VWF: variants seen among roughly 807,000 people sequenced by gnomAD.
VWF encodes von Willebrand factor.
Under a neutral mutation model 308.6 loss-of-function variants are expected in VWF, and 176 were observed. The observed-to-expected ratio is 0.57, with a 90% CI of 0.50 to 0.65. VWF has a LOEUF of 0.65. Ranked by LOEUF, VWF falls within the 30% of genes least tolerant of loss-of-function variation. VWF has a pLI of 0.00. For missense variants in VWF, 3,146 were observed against 3,648.2 expected (o/e 0.86, Z 3.55); for synonymous variants, 1,385 against 1,443.4 (o/e 0.96, Z 0.92).
chr12:6,113,426 T>C (rs962806563), intron 3 of VWF, among the ~76,000 whole-genome samples: 2 of 151,308 alleles, frequency 1.3e-5, no homozygotes, highest in African/African-American at 2.4e-5. Context: ...GCCTCCCGAG[T>C]AGCTGGGACT....
intron 34 of VWF, among the ~76,000 whole-genome samples, chr12:6,008,032 G>C (rs1943949194): frequency 6.6e-6 from 1 of 152,146 alleles, no homozygotes; most frequent in Non-Finnish European, 1.5e-5. Context: ...TCATTAGTAA[G>C]GAGATGAAAT....
intron 5 of VWF, among the ~76,000 whole-genome samples, chr12:6,101,521 A>T (rs1196001438): frequency 1.3e-5 from 2 of 152,184 alleles, no homozygotes; most frequent in African/African-American, 4.8e-5. Flanking sequence ...TCACGCCTGT[A>T]ATCTCAGCAT....
intron 6 of VWF, among the ~76,000 whole-genome samples, chr12:6,092,828 C>T (rs1312657335): frequency 1.3e-5 from 2 of 151,964 alleles, no homozygotes; most frequent in Admixed American, 1.3e-4. Context: ...GTCTCCATCC[C>T]AAAATGAATG....
In VWF at chr12:6,060,943, G is replaced by A. The variant is rs1231285735; in HGVS notation, c.1533+2011C>T. On this transcript the variant is annotated intron_variant, in intron 13 of 51. Coordinates refer to ENST00000261405, the MANE Select transcript of VWF (RefSeq NM_000552.5). The surrounding 1 kb of genome is among the most constrained non-coding windows in gnomAD (Gnocchi z 5.1). ...TGGCCGGGCGTGGTGGCTCATGCCC[G>A]TAATCCCAGCACTTTGGGAGGCTGA... 6.6e-6 allele frequency among the ~76,000 whole-genome samples: 1 copy of A among 152,220 alleles called. No homozygotes were observed. Among genetic ancestry groups the A allele is most frequent in the Non-Finnish European group, 1.5e-5 (1 of 68,032 alleles).
intron 14 of VWF, among the ~76,000 whole-genome samples, chr12:6,057,311 A>ATTTTTTTTTTTCTTTTTT (rs1407594065): frequency 7.7e-6 from 1 of 129,428 alleles, no homozygotes; most frequent in African/African-American, 3.1e-5. Flanking sequence ...GGACTATGGA[A>ATTTTTTTTTTTCTTTTTT]TTTTTTTTTT....
At chr12:5,981,051 C>CATAT (rs1048430189) in intron 42 of VWF, among the ~76,000 whole-genome samples, 1 of 152,216 alleles carries the variant, frequency 6.6e-6, no homozygotes, top group African/African-American at 2.4e-5. Flanking sequence ...AGACTATTGT[C>CATAT]ATATATACTA....
In VWF at chr12:6,016,247, C is replaced by G; in HGVS notation, c.5312-15G>C. 6.2e-7 allele frequency: 1 copy of G among 1,614,212 alleles called. No individual in the cohort carries two copies. The highest frequency in any genetic ancestry group is 8.5e-7 in the Non-Finnish European group (1 of 1,180,042). The stretch of plus-strand genomic sequence containing the variant: ...CAAGGCATCCCCTGAGGATGGAGAA[C>G]AGATCACGCCAAGTCAGTACTGACT... On this transcript the variant is annotated splice_polypyrimidine_tract_variant and intron_variant, in intron 30 of 51. Coordinates refer to ENST00000261405, the MANE Select transcript of VWF (RefSeq NM_000552.5).
intron 45 of VWF, among the ~76,000 whole-genome samples, 186 bp downstream of exon 45, chr12:5,969,025 A>G (rs1400218888): frequency 6.6e-6 from 1 of 152,224 alleles, no homozygotes; most frequent in African/African-American, 2.4e-5. Flanking sequence ...AGTGATCTTC[A>G]GGAAATTCCT....
Position 6,011,631 on chromosome 12 carries a change from C to A in VWF, c.5828G>T (p.Arg1943Leu). Residue 1943 changes from arginine to leucine, a missense_variant, in exon 34 of 52, where the codon CGC becomes CTC. Physicochemically the swap from Arg to Leu is moderately radical, Grantham distance 102 (BLOSUM62 -2). Coordinates refer to ENST00000261405, the MANE Select transcript of VWF (RefSeq NM_000552.5). Reference protein sequence around the residue: ...PVKVEETCGCRWTCPCVCTGS... With the variant: ...PVKVEETCGCLWTCPCVCTGS... ...AAAGGACTCACAGGGGCAGGTCCAGCGGCAGCCACAGGTCTCTTCCACTTT... is the reference window on the plus strand; with the variant it reads ...AAAGGACTCACAGGGGCAGGTCCAGAGGCAGCCACAGGTCTCTTCCACTTT... 1 of 1,609,422 alleles carries A rather than the reference C, an allele frequency of 6.2e-7. No homozygotes were observed. The highest frequency in any genetic ancestry group is 1.7e-4 in the Middle Eastern group (1 of 5,896).
chr12:6,018,281 T>A, intron 28 of VWF, 84 bp downstream of exon 28: 1 of 1,509,884 alleles, frequency 6.6e-7, no homozygotes, highest in Non-Finnish European at 8.9e-7. Context: ...AGAACCCGAG[T>A]CGTATCTTGG....
intron 16 of VWF, among the ~76,000 whole-genome samples, chr12:6,051,946 A>C (rs527572912): frequency 1.3e-5 from 2 of 152,322 alleles, no homozygotes; most frequent in East Asian, 3.9e-4. Context: ...CTTAGCCAGA[A>C]CTAAGACAGA....
chr12:6,080,502 T>C (rs1565856186), intron 6 of VWF, among the ~76,000 whole-genome samples: 1 of 152,200 alleles, frequency 6.6e-6, no homozygotes, highest in African/African-American at 2.4e-5. Context: ...GAAGGCAGTC[T>C]GCACAGGGCC....
intron 25 of VWF, 35 bp from the exon 26 acceptor site, chr12:6,022,933 AGG>A (rs1944145045): frequency 2.6e-6 from 1 of 385,392 alleles, no homozygotes; most frequent in Non-Finnish European, 4.8e-6. Flanking sequence ...TGGCCACAAC[AGG>A]CAAAGCCTCC....
chr12:6,056,298 A>T (rs1944577693), intron 15 of VWF, among the ~76,000 whole-genome samples: 1 of 63,564 alleles, frequency 1.6e-5, no homozygotes, highest in Admixed American at 1.1e-4. Context: ...CACAATAGAT[A>T]CCACCTCTGG....
rs144496833 is a variant in VWF, at chr12:6,061,687, G to A, written c.1533+1267C>T. Reference sequence around the variant, plus strand: ...CCAGGGATCCCAGGCATAATCTAGCGCAGTGGTTCTCAAAGTGTGGTCTTG... The same window carrying A: ...CCAGGGATCCCAGGCATAATCTAGCACAGTGGTTCTCAAAGTGTGGTCTTG... On this transcript the variant is annotated intron_variant, in intron 13 of 51. Transcript: ENST00000261405. 1.1e-4 allele frequency among the ~76,000 whole-genome samples: 16 copies of A among 152,258 alleles called. No homozygotes were observed. The East Asian group carries it at 2.9e-3, about 28-fold the overall frequency.
In VWF at chr12:6,052,553, G is replaced by A. The variant is rs369273301; in HGVS notation, c.2176C>T (p.His726Tyr). ...FQPEDIFSDH[H>Y]TMCYCEDGFM... Reference sequence around the variant, plus strand: ...GCTGCCTGCACTTACCACATGGTGTGATGGTCTGAGAAGATGTCTTCTGGC... The same window carrying A: ...GCTGCCTGCACTTACCACATGGTGTAATGGTCTGAGAAGATGTCTTCTGGC... Residue 726 changes from histidine to tyrosine, a missense_variant, in exon 16 of 52, where the codon CAC becomes TAC. Transcript: ENST00000261405. 2 of 1,614,252 alleles carry A rather than the reference G, an allele frequency of 1.2e-6. No individual in the cohort carries two copies. Among genetic ancestry groups the A allele is most frequent in the Non-Finnish European group, 1.7e-6 (2 of 1,180,040 alleles).
At chr12:6,099,318 CAAAAAA>C (rs1177262693) in intron 5 of VWF, among the ~76,000 whole-genome samples, 1 of 65,590 alleles carries the variant, frequency 1.5e-5, no homozygotes, top group African/African-American at 4.1e-5. Context: ...GACTCTATCT[CAAAAAA>C]AAAAAAAAAA....
intron 32 of VWF, among the ~76,000 whole-genome samples, chr12:6,012,778 T>C (rs1244856657): frequency 2.6e-5 from 4 of 151,022 alleles, no homozygotes; most frequent in African/African-American, 9.8e-5. Flanking sequence ...CTCGGCTCAC[T>C]GCAAGCTCTG....
intron 3 of VWF, among the ~76,000 whole-genome samples, chr12:6,111,767 G>A (rs923678938): frequency 9.2e-5 from 14 of 152,098 alleles, no homozygotes; most frequent in South Asian, 2.1e-4. Context: ...TGGCTAACAC[G>A]GTGAAACCCC....
Sources: allele counts gnomAD v4.1 joint callset (sites outside exome capture counted in the v4.1 genomes callset), GRCh38; gene constraint gnomAD v4.1.1; non-coding constraint Gnocchi (gnomAD v3.1); transcripts MANE v1.5; gene names NCBI Gene and HGNC (gene_info 2026-07-23, HGNC 2026-07-21).